The following MAGEC3 variants were observed in gnomAD, a reference collection of about 807,000 sequenced individuals.
The protein encoded by MAGEC3 is MAGE family member C3.
A neutral mutation model predicts 35.3 loss-of-function variants in MAGEC3; 34 were observed. The ratio of observed to expected loss-of-function variants is 0.96; its 90% CI spans 0.73 to 1.28. MAGEC3 has a LOEUF of 1.28. Among genes scored for constraint, MAGEC3 ranks in the 50% most tolerant of loss-of-function variants. The pLI is 0.00. For missense variants in MAGEC3, 561 were observed against 483.6 expected, an observed-to-expected ratio of 1.16 and a Z score of -1.50; for synonymous variants, 202 against 185.6, an observed-to-expected ratio of 1.09 and a Z score of -0.72.
Position 141,891,709 on chromosome X carries a change from A to G in MAGEC3, c.910-3560A>G, listed in dbSNP as rs779591819. 1.6e-3 allele frequency among the ~76,000 whole-genome samples: 172 copies of G among 104,417 alleles called. 2 individuals carry two copies. Among genetic ancestry groups the G allele is most frequent in the Middle Eastern group, 4.8e-3 (1 of 209 alleles). 90.7% of individuals were successfully genotyped at this position (104,417 alleles called of 115,157 possible). Reference sequence around the variant, plus strand: ...TAAATATATATATTTATATATGCATATATAAATATATATATTTATATATGC... The same window carrying G: ...TAAATATATATATTTATATATGCATGTATAAATATATATATTTATATATGC... On this transcript the variant is annotated intron_variant, in intron 4 of 7. Coordinates refer to ENST00000298296, the MANE Select transcript of MAGEC3 (RefSeq NM_138702.1).
intron 3 of MAGEC3, among the ~76,000 whole-genome samples, chrX:141,881,117 T>C (rs908832031): frequency 9.0e-6 from 1 of 111,547 alleles, no homozygotes; most frequent in Non-Finnish European, 1.9e-5. Flanking sequence ...TCTTCCTCTT[T>C]CTACTTATTA....
chrX:141,871,923 G>A (rs1184069066), intron 2 of MAGEC3, among the ~76,000 whole-genome samples: 3 of 108,926 alleles, frequency 2.8e-5, no homozygotes, highest in Non-Finnish European at 5.7e-5. Flanking sequence ...GGGGCAGAGG[G>A]TTCACACGGG....
At chrX:141,855,564 A>G (rs1473188554) in intron 1 of MAGEC3, among the ~76,000 whole-genome samples, 1 of 111,347 alleles carries the variant, frequency 9.0e-6, no homozygotes, top group Non-Finnish European at 1.9e-5. Flanking sequence ...TATTTTGGTG[A>G]AAGTTTGAAA....
chrX:141,897,545 A>G, intron 7 of MAGEC3, 59 bp downstream of exon 7: 2 of 1,195,762 alleles, frequency 1.7e-6, no homozygotes, highest in Non-Finnish European at 1.1e-6. Context: ...CTCACTATAC[A>G]TTGGGTGCAG....
At chrX:141,856,558 A>C (rs1318978287) in intron 1 of MAGEC3, among the ~76,000 whole-genome samples, 2 of 103,503 alleles carry the variant, frequency 1.9e-5, no homozygotes, top group Non-Finnish European at 3.9e-5. Context: ...TAATCAAATA[A>C]AGGTATATAT....
chrX:141,896,621 C>T (rs761255005), intron 6 of MAGEC3: 18 of 1,196,074 alleles, frequency 1.5e-5, no homozygotes, highest in South Asian at 3.7e-5. Context: ...CCTGCTCACA[C>T]GTTTACCTGC....
At chrX:141,867,129 A>T (rs962731507) in intron 2 of MAGEC3, among the ~76,000 whole-genome samples, 4 of 111,478 alleles carry the variant, frequency 3.6e-5, no homozygotes, top group Non-Finnish European at 7.5e-5. Flanking sequence ...CCTTTGGATT[A>T]TCTCTTCTGT....
chrX:141,870,135 G>C (rs1220479008), intron 2 of MAGEC3, among the ~76,000 whole-genome samples: 2 of 111,504 alleles, frequency 1.8e-5, no homozygotes, highest in African/African-American at 6.5e-5. Context: ...GTTTTTGTTA[G>C]TTTGTTTTGT....
At chrX:141,895,440 G>A (rs1304597513) in intron 5 of MAGEC3, 33 bp downstream of exon 5, 19 of 1,208,209 alleles carry the variant, frequency 1.6e-5, no homozygotes, top group Admixed American at 2.2e-5. Context: ...GAGGGACTTC[G>A]CACCAAGGAC....
At chrX:141,887,958 A>T (rs1001708978) in intron 4 of MAGEC3, among the ~76,000 whole-genome samples, 2 of 112,120 alleles carry the variant, frequency 1.8e-5, no homozygotes, top group African/African-American at 6.5e-5. Context: ...TCACCATGCA[A>T]CCTGAACTGC....
In MAGEC3 at chrX:141,879,391, G is replaced by A. The variant is rs769815854; in HGVS notation, c.475G>A (p.Val159Ile). ...GTGYTLSLPA[V>I]SPGKRLWGEK... ...AGGCTACACCCTTTCCCTTCCTGCCGTCAGCCCTGGAAAAAGGTTGTGGGG... is the reference window on the plus strand; with the variant it reads ...AGGCTACACCCTTTCCCTTCCTGCCATCAGCCCTGGAAAAAGGTTGTGGGG... Residue 159 changes from valine to isoleucine, a missense_variant, in exon 3 of 8, where the codon GTC (valine) becomes ATC (isoleucine). Coordinates refer to ENST00000298296, the MANE Select transcript of MAGEC3 (RefSeq NM_138702.1). 62 of 1,185,519 alleles carry A rather than the reference G, an allele frequency of 5.2e-5. No homozygotes were observed. The Admixed American group carries it at 6.7e-4, about 13-fold the overall frequency.
intron 2 of MAGEC3, among the ~76,000 whole-genome samples, chrX:141,867,584 G>A (rs1367782105): frequency 1.8e-5 from 2 of 111,836 alleles, no homozygotes; most frequent in Admixed American, 9.5e-5. Flanking sequence ...CCCCTCTCGG[G>A]TGTATTTTTC....
At chrX:141,878,033 T>C (rs999977698) in intron 2 of MAGEC3, among the ~76,000 whole-genome samples, 31 of 112,342 alleles carry the variant, frequency 2.8e-4, no homozygotes, top group Non-Finnish European at 1.7e-4. Context: ...CTAAGGATAC[T>C]CCATTACATT....
At chrX:141,845,657 T>A (rs1419025089) in intron 1 of MAGEC3, among the ~76,000 whole-genome samples, 1 of 111,248 alleles carries the variant, frequency 9.0e-6, no homozygotes, top group Non-Finnish European at 1.9e-5. Context: ...TGTTTTATTA[T>A]AGTTGTTATG....
At chrX:141,869,112 C>T (rs1278628342) in intron 2 of MAGEC3, among the ~76,000 whole-genome samples, 2 of 109,533 alleles carry the variant, frequency 1.8e-5, no homozygotes, top group South Asian at 3.9e-4. Context: ...TCTCGATCTC[C>T]TGATCTCGTA....
At chrX:141,869,901 T>C (rs1259645653) in intron 2 of MAGEC3, among the ~76,000 whole-genome samples, 1 of 111,584 alleles carries the variant, frequency 9.0e-6, no homozygotes, top group Non-Finnish European at 1.9e-5. Flanking sequence ...CCCTAAAATA[T>C]AACCTATTAG....
intron 1 of MAGEC3, 59 bp from the exon 2 acceptor site, chrX:141,865,412 T>A: frequency 9.1e-7 from 1 of 1,104,239 alleles, no homozygotes; most frequent in Non-Finnish European, 1.2e-6. Flanking sequence ...GAGTAGATCT[T>A]CCATCACAGG....
At position 141,841,553 on chromosome X, in the gene MAGEC3, T is replaced by A. The variant is rs1049075584; in HGVS notation, c.123+3115T>A. On this transcript the variant is annotated intron_variant, in intron 1 of 7. Coordinates refer to ENST00000298296, the MANE Select transcript of MAGEC3 (RefSeq NM_138702.1). ...AATCAACTGTAGATATTTGTTTATG[T>A]GTTTATTTTCTTTCTGCCCCCACTA... Among the ~76,000 whole-genome samples the A allele has an allele frequency of 1.1e-4, 12 of 111,650 alleles. No individual in the cohort carries two copies. The Admixed American group carries it at 1.1e-3, about 11-fold the overall frequency.
At position 141,881,584 on chromosome X, in the gene MAGEC3, A is replaced by G. The variant is rs768095687; in HGVS notation, c.697A>G (p.Ile233Val). The stretch of plus-strand genomic sequence containing the variant: ...GATCTTCAGGAAAGCCCGTGAGTTC[A>G]TAGAGATTCTTTTTGGCATTTCCCT... ...PMIFRKAREF[I>V]EILFGISLTE... Residue 233 changes from isoleucine (I) to valine (V), a missense_variant, in exon 4 of 8, where the codon ATA becomes GTA. By Grantham distance (29) the Ile-to-Val change is conservative. Transcript: ENST00000298296. 23 of 1,209,665 alleles carry G rather than the reference A, an allele frequency of 1.9e-5. 1 individual carries two copies. In the East Asian group the frequency reaches 6.5e-4, roughly 34 times the overall value.
Sources: allele counts gnomAD v4.1 joint callset (sites outside exome capture counted in the v4.1 genomes callset), GRCh38; gene constraint gnomAD v4.1.1; transcripts MANE v1.5; gene names NCBI Gene and HGNC (gene_info 2026-07-23, HGNC 2026-07-21).